Variants in GBP6 observed in about 807,000 individuals in gnomAD.
GBP6 encodes the protein guanylate binding protein family member 6.
A neutral mutation model predicts 61.5 loss-of-function variants in GBP6; 54 were observed. The observed-to-expected ratio is 0.88, with a 90% CI of 0.71 to 1.10. The LOEUF (loss-of-function observed/expected upper bound fraction) is 1.10. Among genes scored for constraint, GBP6 ranks in the 50% least tolerant of loss-of-function variants. The pLI is 0.00. For synonymous variants in GBP6, 255 were observed against 273.7 expected, an observed-to-expected ratio of 0.93 and a Z score of 0.67; for missense variants, 748 against 752.8, an observed-to-expected ratio of 0.99 and a Z score of 0.07.
In GBP6 at chr1:89,385,512, T is replaced by C. The variant is rs563845603; in HGVS notation, c.*43T>C. On this transcript the variant is annotated 3_prime_UTR_variant, in exon 11 of 11. Transcript: ENST00000370456. ...CATATATGCTTTGGACTATTTTTGA[T>C]CTGTATGTTTTTCATTTTCATTCAG... 3.8e-6 allele frequency: 6 copies of C among 1,559,414 alleles called. No homozygotes were observed. In the South Asian group the frequency reaches 7.2e-5, roughly 19 times the overall value.
Position 89,386,186 on chromosome 1 carries a change from A to T in GBP6, c.*717A>T, listed in dbSNP as rs1453216416. ...ATGAAAAAAAAAAAAACCAAGTTGT[A>T]AAGCAATGTAGATTATCTTATCAGC... On this transcript the variant is annotated 3_prime_UTR_variant, in exon 11 of 11. Coordinates refer to ENST00000370456, the MANE Select transcript of GBP6 (RefSeq NM_198460.3). 1 of 152,078 alleles carries T rather than the reference A, an allele frequency of 6.6e-6. No individual in the cohort carries two copies. The highest frequency in any genetic ancestry group is 2.4e-5 in the African/African-American group (1 of 41,430). The allele number at this position is 152,078 out of a possible 1,614,324, so 9.4% of individuals were successfully genotyped here.
chr1:89,381,060 A>C (rs1294054482), intron 6 of GBP6, among the ~76,000 whole-genome samples: 1 of 151,998 alleles, frequency 6.6e-6, no homozygotes, highest in African/African-American at 2.4e-5. Flanking sequence ...AGAGGCACGC[A>C]GATCGCTTGA....
At chr1:89,369,820 G>T (rs896541592) in intron 3 of GBP6, 147 bp downstream of exon 3, 2 of 898,484 alleles carry the variant, frequency 2.2e-6, no homozygotes, top group African/African-American at 1.7e-5. Context: ...TCTAGACAAG[G>T]TTAGATATCA....
chr1:89,383,529 A>AG (rs1570472076), intron 8 of GBP6, 123 bp from the exon 9 acceptor site: 2 of 682,840 alleles, frequency 2.9e-6, no homozygotes, highest in East Asian at 5.5e-5. Context: ...CACACTTTGT[A>AG]GGGGGCCACT....
rs1224470653 is a variant in GBP6, at chr1:89,385,242, T to A, written c.1675T>A (p.Trp559Arg). 1 of 1,613,078 alleles carries A rather than the reference T, an allele frequency of 6.2e-7. No individual in the cohort carries two copies. Among genetic ancestry groups the A allele is most frequent in the East Asian group, 2.2e-5 (1 of 44,870 alleles). ...ACATTGTCTTTAGGTCCAAAATGAT[T>A]GGCTTCATGAAGGATTTAAGAAGAA... The part of the protein sequence containing the change: ...LEHTQKVQND[W>R]LHEGFKKKYE... Residue 559 changes from tryptophan (W) to arginine (R), a missense_variant, in exon 11 of 11, where the codon TGG becomes AGG. By Grantham distance (101) the Trp-to-Arg change is moderately radical (BLOSUM62 -3). Transcript: ENST00000370456.
intron 4 of GBP6, 26 bp downstream of exon 4, chr1:89,378,238 C>G (rs1258371503): frequency 6.3e-7 from 1 of 1,588,726 alleles, no homozygotes; most frequent in Admixed American, 1.9e-5. Context: ...CAGAACAGAA[C>G]CACCAGGTTT....
chr1:89,366,561 C>T (rs1024218711), intron 1 of GBP6, among the ~76,000 whole-genome samples: 6 of 152,032 alleles, frequency 3.9e-5, no homozygotes, highest in South Asian at 4.2e-4. Context: ...TGCAGGTTGT[C>T]GATCAAAAAC....
At chr1:89,375,075 T>A (rs994904777) in intron 3 of GBP6, among the ~76,000 whole-genome samples, 1 of 152,162 alleles carries the variant, frequency 6.6e-6, no homozygotes, top group African/African-American at 2.4e-5. Context: ...TCCAGGCCCA[T>A]CCATGTCCTT....
intron 5 of GBP6, among the ~76,000 whole-genome samples, chr1:89,379,706 C>T (rs1468764675): frequency 6.6e-6 from 1 of 152,148 alleles, no homozygotes; most frequent in Non-Finnish European, 1.5e-5. Flanking sequence ...ATATCAATTC[C>T]AGTGAACTCG....
chr1:89,378,087 C>T lies in GBP6; in HGVS notation c.319-16C>T, dbSNP rs774529444. The stretch of plus-strand genomic sequence containing the variant: ...AGACTACACTCCTAAGTCCTTTGCT[C>T]TAATGTGCTTTTTAGGGTGACCCTA... On this transcript the variant is annotated splice_polypyrimidine_tract_variant and intron_variant, in intron 3 of 10. Transcript: ENST00000370456. The T allele has an allele frequency of 1.2e-5, 19 of 1,608,352 alleles. No individual in the cohort carries two copies. The African/African-American group carries it at 1.3e-4, about 11-fold the overall frequency.
Position 89,382,761 on chromosome 1 carries a change from T to G in GBP6, c.1250T>G (p.Leu417Arg). 1.2e-5 allele frequency: 19 copies of G among 1,613,922 alleles called. No homozygotes were observed. The highest frequency in any genetic ancestry group is 1.6e-5 in the Non-Finnish European group (19 of 1,179,802). The change falls in exon 8 of 11, where the codon CTA (leucine) becomes CGA (arginine). Residue 417 changes from leucine (L) to arginine (R), a missense_variant. Transcript: ENST00000370456. ...AAACTCAATGAGCTCTCAAAGGGAC[T>G]AATGGAAAGTATCTCAGCAGGAAGT... ...QAKLNELSKG[L>R]MESISAGSFS... is the part of the protein sequence containing the mutation.
In GBP6 at chr1:89,371,157, T is replaced by C. The variant is rs1346402766; in HGVS notation, c.318+1484T>C. ...ACGACCTCAGTGTTCATCTATGTTG[T>C]TGCAAATGACAAAATTCCCTTTTTT... On this transcript the variant is annotated intron_variant, in intron 3 of 10. Coordinates refer to ENST00000370456, the MANE Select transcript of GBP6 (RefSeq NM_198460.3). 2.6e-5 allele frequency among the ~76,000 whole-genome samples: 4 copies of C among 152,230 alleles called. No individual in the cohort carries two copies. The East Asian group carries it at 5.8e-4, about 22-fold the overall frequency.
chr1:89,371,266 T>C (rs967265521), intron 3 of GBP6, among the ~76,000 whole-genome samples: 14 of 152,134 alleles, frequency 9.2e-5, no homozygotes. Context: ...TCTGAAACTA[T>C]TCCAATCAAT....
chr1:89,379,293 G>A (rs2100669649), intron 5 of GBP6, among the ~76,000 whole-genome samples: 1 of 152,082 alleles, frequency 6.6e-6, no homozygotes, highest in South Asian at 2.1e-4. Context: ...AGGTATTCAT[G>A]AGAAATCTGC....
chr1:89,368,505 A>G, intron 1 of GBP6, 24 bp from the exon 2 acceptor site: 2 of 1,540,732 alleles, frequency 1.3e-6, no homozygotes, highest in Non-Finnish European at 1.8e-6. Flanking sequence ...GAGAATGACA[A>G]TGTAACGTTA....
chr1:89,379,561 C>A (rs1476129682), intron 5 of GBP6, among the ~76,000 whole-genome samples: 1 of 152,162 alleles, frequency 6.6e-6, no homozygotes, highest in African/African-American at 2.4e-5. Flanking sequence ...TGATAATTGT[C>A]GGAATATTCA....
chr1:89,386,307 A>G lies in GBP6; in HGVS notation c.*838A>G, dbSNP rs1653143829. On this transcript the variant is annotated 3_prime_UTR_variant, in exon 11 of 11. Transcript: ENST00000370456. The stretch of plus-strand genomic sequence containing the variant: ...TTATTGGCTCCTTCTGGGAAGAACC[A>G]AGTGAATGTAGGGGTTGAAGGAACA... 1 of 152,204 alleles carries G rather than the reference A, an allele frequency of 6.6e-6. No homozygotes were observed. 9.4% of individuals were successfully genotyped at this position (152,204 alleles called of 1,614,324 possible).
At position 89,387,203 on chromosome 1, in the gene GBP6, G is replaced by A. The variant is rs564181108; in HGVS notation, c.*1734G>A. Among the ~76,000 whole-genome samples the A allele has an allele frequency of 2.0e-5, 3 of 152,092 alleles. No homozygotes were observed. The highest frequency in any genetic ancestry group is 2.1e-4 in the South Asian group (1 of 4,824). On this transcript the variant is annotated 3_prime_UTR_variant, in exon 11 of 11. Transcript: ENST00000370456. ...TTCCCAAGTTCTCCTCCTAGGAAAC[G>A]TCTGGAGCCATTTACTAGATATCCA...
chr1:89,385,611 G>C lies in GBP6; in HGVS notation c.*142G>C. ...TACAGTGGTGCAATCTCAGCTCACT[G>C]CAACCTCTGCCTCCTGGGTTCAAGA... is the stretch of plus-strand genomic sequence containing the variant. On this transcript the variant is annotated 3_prime_UTR_variant, in exon 11 of 11. Coordinates refer to ENST00000370456, the MANE Select transcript of GBP6 (RefSeq NM_198460.3). The C allele has an allele frequency of 1.4e-6, 1 of 728,662 alleles. No individual in the cohort carries two copies. Among genetic ancestry groups the C allele is most frequent in the Non-Finnish European group, 2.2e-6 (1 of 464,216 alleles). 45.1% of individuals were successfully genotyped at this position (728,662 alleles called of 1,614,324 possible). A position where few individuals can be genotyped will look rare whatever the true frequency, so the allele number is the denominator to read the frequency against.
Sources: gnomAD v4.1 joint callset for allele counts (sites outside exome capture counted in the v4.1 genomes callset) on GRCh38, gnomAD v4.1.1 for gene constraint, MANE v1.5 for transcripts, NCBI Gene and HGNC (gene_info 2026-07-23, HGNC 2026-07-21) for gene names.